Variants in ST3GAL1 observed in about 807,000 individuals in gnomAD.
ST3GAL1 encodes the protein ST3 beta-galactoside alpha-2,3-sialyltransferase 1.
In ST3GAL1, 16 loss-of-function variants were observed where a neutral mutation model predicts 34.1. The ratio of observed to expected loss-of-function variants is 0.47; its 90% confidence interval spans 0.32 to 0.71. The LOEUF is 0.71. ST3GAL1 is among the 30% of genes least tolerant of loss of function. The pLI, the probability that ST3GAL1 is intolerant of heterozygous loss-of-function variation, is 0.04. For synonymous variants in ST3GAL1, 191 were observed against 184.7 expected, an observed-to-expected ratio of 1.03 and a Z score of -0.28; for missense variants, 353 against 447.4, an observed-to-expected ratio of 0.79 and a Z score of 1.90.
chr8:133,547,027 A>G (rs1409895143), intron 1 of ST3GAL1, among the ~76,000 whole-genome samples: 1 of 134,380 alleles, frequency 7.4e-6, no homozygotes, highest in Non-Finnish European at 1.6e-5. Flanking sequence ...AAAAGACTTC[A>G]TCTGACAGGA....
At chr8:133,546,008 G>A (rs182382660) in intron 1 of ST3GAL1, 82 bp from the exon 2 acceptor site, 1 of 152,312 alleles carries the variant, frequency 6.6e-6, no homozygotes. Flanking sequence ...TCAAGATAAT[G>A]AAAAGATATT....
chr8:133,527,749 G>A (rs553552028), intron 2 of ST3GAL1, among the ~76,000 whole-genome samples: 1 of 152,316 alleles, frequency 6.6e-6, no homozygotes, highest in South Asian at 2.1e-4. Context: ...AAAACAGCTT[G>A]CTTGCTGGGC....
chr8:133,503,405 T>A (rs915404698), intron 2 of ST3GAL1, among the ~76,000 whole-genome samples: 2 of 152,164 alleles, frequency 1.3e-5, no homozygotes, highest in African/African-American at 4.8e-5. Flanking sequence ...CCTTACATTC[T>A]GGGGCTGTTG....
intron 3 of ST3GAL1, among the ~76,000 whole-genome samples, chr8:133,479,644 C>A (rs145274382): frequency 6.6e-6 from 1 of 152,052 alleles, no homozygotes; most frequent in Non-Finnish European, 1.5e-5. Context: ...CCTGCCTCTG[C>A]GTGAGAGATA....
In ST3GAL1 at chr8:133,556,126, G is replaced by A. The variant is rs564911837; in HGVS notation, c.-581-10200C>T. On this transcript the variant is annotated intron_variant, in intron 1 of 9. Coordinates refer to ENST00000522652, the MANE Select transcript of ST3GAL1 (RefSeq NM_173344.3). The surrounding 1 kb of genome is among the most constrained non-coding windows in gnomAD (Gnocchi z 8.9). ...GCCCAGGCTGATCTCGAACTCCTGA[G>A]CTCAGGCAATCCACCCATCTCGGCC... Among the ~76,000 whole-genome samples the A allele has an allele frequency of 6.6e-6, 1 of 152,220 alleles. No homozygotes were observed. The highest frequency in any genetic ancestry group is 2.1e-4 in the South Asian group (1 of 4,818).
intron 2 of ST3GAL1, among the ~76,000 whole-genome samples, chr8:133,545,112 C>T (rs560155100): frequency 3.9e-5 from 6 of 152,360 alleles, no homozygotes; most frequent in African/African-American, 7.2e-5. Context: ...CTGAATTTTT[C>T]GTATTATTTC....
chr8:133,465,788 C>A, intron 6 of ST3GAL1, 106 bp downstream of exon 6: 1 of 1,333,140 alleles, frequency 7.5e-7, no homozygotes, highest in South Asian at 1.4e-5. Context: ...AAGTTCAGTC[C>A]CAGGACTGAA....
intron 3 of ST3GAL1, among the ~76,000 whole-genome samples, chr8:133,482,934 G>T (rs990342882): frequency 7.2e-5 from 11 of 152,128 alleles, no homozygotes; most frequent in African/African-American, 2.2e-4. Flanking sequence ...AACAACAAAG[G>T]CATGAGAGAC....
chr8:133,482,934 G>C (rs990342882), intron 3 of ST3GAL1, among the ~76,000 whole-genome samples: 1 of 152,128 alleles, frequency 6.6e-6, no homozygotes, highest in African/African-American at 2.4e-5. Context: ...AACAACAAAG[G>C]CATGAGAGAC....
At chr8:133,540,748 T>TATATATATAGAC (rs1563733851) in intron 2 of ST3GAL1, among the ~76,000 whole-genome samples, 37 of 56,384 alleles carry the variant, frequency 6.6e-4, no homozygotes, top group African/African-American at 3.0e-3. Flanking sequence ...TATATAGACA[T>TATATATATAGAC]ATATATATAT....
At chr8:133,496,861 G>A (rs1040454576) in intron 3 of ST3GAL1, among the ~76,000 whole-genome samples, 3 of 152,214 alleles carry the variant, frequency 2.0e-5, no homozygotes, top group South Asian at 2.1e-4. Context: ...CCCCTCTTCC[G>A]AGTTCTTGGC....
At chr8:133,537,236 AG>A (rs1303296621) in intron 2 of ST3GAL1, among the ~76,000 whole-genome samples, 3 of 152,154 alleles carry the variant, frequency 2.0e-5, no homozygotes, top group Non-Finnish European at 4.4e-5. Context: ...GTATGGGGGA[AG>A]GGGCATGCTA....
At chr8:133,528,518 A>G (rs1395018733) in intron 2 of ST3GAL1, among the ~76,000 whole-genome samples, 1 of 152,240 alleles carries the variant, frequency 6.6e-6, no homozygotes, top group Non-Finnish European at 1.5e-5. Context: ...GAGCTATACA[A>G]GCTGTTTCCC....
intron 3 of ST3GAL1, among the ~76,000 whole-genome samples, chr8:133,486,383 T>C (rs1816596737): frequency 6.6e-6 from 1 of 152,214 alleles, no homozygotes; most frequent in South Asian, 2.1e-4. Flanking sequence ...TCCCTTGTTT[T>C]GTTTTCTCCT....
intron 3 of ST3GAL1, among the ~76,000 whole-genome samples, chr8:133,495,450 C>A (rs1816915751): frequency 6.6e-6 from 1 of 152,198 alleles, no homozygotes; most frequent in East Asian, 1.9e-4. Flanking sequence ...GCAATTTACC[C>A]AATTTCGCAC....
At chr8:133,532,518 G>A (rs1293322658) in intron 2 of ST3GAL1, among the ~76,000 whole-genome samples, 1 of 152,060 alleles carries the variant, frequency 6.6e-6, no homozygotes, top group African/African-American at 2.4e-5. Flanking sequence ...TTTTTCAAAT[G>A]AAGTACTAAA....
chr8:133,547,018 A>AAAAAAG (rs5895197), intron 1 of ST3GAL1, among the ~76,000 whole-genome samples: 3 of 147,758 alleles, frequency 2.0e-5, no homozygotes, highest in East Asian at 4.0e-4. Flanking sequence ...AAAAAAAAAA[A>AAAAAAG]AAGACTTCAT....
chr8:133,481,072 G>A (rs780237859), intron 3 of ST3GAL1, among the ~76,000 whole-genome samples: 3 of 152,104 alleles, frequency 2.0e-5, no homozygotes, highest in Non-Finnish European at 4.4e-5. Context: ...GATAATGTGG[G>A]TGTATTTCTA....
intron 1 of ST3GAL1, among the ~76,000 whole-genome samples, chr8:133,559,656 G>T (rs1819159019): frequency 6.6e-6 from 1 of 152,170 alleles, no homozygotes; most frequent in Admixed American, 6.5e-5. Flanking sequence ...TTTCAAGTAA[G>T]AAGAAGAACA....
Sources: allele counts gnomAD v4.1 joint callset (sites outside exome capture counted in the v4.1 genomes callset), GRCh38; gene constraint gnomAD v4.1.1; non-coding constraint Gnocchi (gnomAD v3.1); transcripts MANE v1.5; gene names NCBI Gene and HGNC (gene_info 2026-07-23, HGNC 2026-07-21).